Variants in DYNLT5 observed in about 807,000 individuals in gnomAD.
The protein encoded by DYNLT5 is dynein light chain Tctex-type 5.
In DYNLT5, 25 loss-of-function variants were observed where a neutral mutation model predicts 19.3. That is an observed-to-expected ratio of 1.30 (90% confidence interval 0.95 to 1.81). DYNLT5 has a LOEUF of 1.81. DYNLT5 is among the 40% of genes most tolerant of loss of function. The probability of loss-of-function intolerance (pLI) is 0.00; values close to 1 mark genes in which losing one functional copy is unlikely to be tolerated. For synonymous variants in DYNLT5, 82 were observed against 68.9 expected (o/e 1.19, Z -0.94); for missense variants, 232 against 217.9 (o/e 1.06, Z -0.41).
chr1:66,778,479 T>C lies in DYNLT5; in HGVS notation c.*1025T>C, dbSNP rs1645250126. The C allele has an allele frequency of 6.6e-6, 1 of 152,634 alleles. No individual in the cohort carries two copies. Among genetic ancestry groups the C allele is most frequent in the African/African-American group, 2.4e-5 (1 of 41,450 alleles). The allele number at this position is 152,634 out of a possible 1,614,324, so 9.5% of individuals were successfully genotyped here. ...TTTTTATGAAGCTTTCAAGTCTTTG[T>C]GTGCAAGTAAAATGATGTTGTGGCG... is the stretch of plus-strand genomic sequence containing the variant. On this transcript the variant is annotated 3_prime_UTR_variant, in exon 5 of 5. Coordinates refer to ENST00000282670, the MANE Select transcript of DYNLT5 (RefSeq NM_152665.3).
intron 2 of DYNLT5, chr1:66,768,841 C>T (rs1011459915): frequency 2.0e-5 from 3 of 152,148 alleles, no homozygotes; most frequent in African/African-American, 4.8e-5. Context: ...GGGACTTTGT[C>T]ACTAAGAGGT....
intron 4 of DYNLT5, among the ~76,000 whole-genome samples, 159 bp from the exon 5 acceptor site, chr1:66,777,092 T>C (rs527760334): frequency 1.3e-5 from 2 of 152,340 alleles, no homozygotes; most frequent in Non-Finnish European, 2.9e-5. Context: ...AAGGGGACCA[T>C]GCTTGAAGGG....
chr1:66,768,935 GAAT>G (rs915910952), intron 2 of DYNLT5, among the ~76,000 whole-genome samples: 4 of 152,160 alleles, frequency 2.6e-5, no homozygotes, highest in African/African-American at 9.7e-5. Flanking sequence ...GAAATGGGTA[GAAT>G]AATGAATCTT....
intron 3 of DYNLT5, among the ~76,000 whole-genome samples, chr1:66,772,815 A>G (rs1397087528): frequency 1.3e-5 from 2 of 152,190 alleles, no homozygotes; most frequent in Non-Finnish European, 2.9e-5. Flanking sequence ...ATAAAATACC[A>G]TTTATATATT....
chr1:66,758,997 G>A (rs1557870412), intron 2 of DYNLT5, among the ~76,000 whole-genome samples: 1 of 152,102 alleles, frequency 6.6e-6, no homozygotes, highest in Non-Finnish European at 1.5e-5. Flanking sequence ...AGACCTACCT[G>A]AGATATAGCC....
At position 66,754,663 on chromosome 1, in the gene DYNLT5, T is replaced by C. The variant is rs1407093298; in HGVS notation, c.5T>C (p.Met2Thr). Reference sequence around the variant, plus strand: ...AAAAGTCTTCTTCCATAGGTTATGATGATGTCAGACAATGCTAAAGGCAGA... The same window carrying C: ...AAAAGTCTTCTTCCATAGGTTATGACGATGTCAGACAATGCTAAAGGCAGA... M[M>T]MSDNAKGRAA... The change falls in exon 2 of 5, where the codon ATG becomes ACG. Residue 2 changes from methionine to threonine, a missense_variant. Transcript: ENST00000282670. The C allele has an allele frequency of 1.2e-6, 2 of 1,607,980 alleles. No individual in the cohort carries two copies. Among genetic ancestry groups the C allele is most frequent in the South Asian group, 2.2e-5 (2 of 89,474 alleles).
rs990365399 is a variant in DYNLT5, at chr1:66,777,675, T to G, written c.*221T>G. On this transcript the variant is annotated 3_prime_UTR_variant, in exon 5 of 5. Coordinates refer to ENST00000282670, the MANE Select transcript of DYNLT5 (RefSeq NM_152665.3). ...TCTAAAGCAGGAACTTGATCTTGGT[T>G]TTGCTGGATTGCTTTCCATAGACAT... The G allele has an allele frequency of 9.9e-6, 4 of 405,828 alleles. No homozygotes were observed. Among genetic ancestry groups the G allele is most frequent in the Non-Finnish European group, 1.3e-5 (3 of 227,326 alleles). 25.1% of individuals were successfully genotyped at this position (405,828 alleles called of 1,614,324 possible). A position where few individuals can be genotyped will look rare whatever the true frequency, so the allele number is the denominator to read the frequency against.
In DYNLT5 at chr1:66,770,484, T is replaced by C. The variant is rs969678223; in HGVS notation, c.211+6T>C. The stretch of plus-strand genomic sequence containing the variant: ...GGAAAACACCTATCAGTTGGGTGTG[T>C]TCTTTTATCTCTCACTCCTATTTTA... On this transcript the variant is annotated splice_donor_region_variant and intron_variant, in intron 3 of 4. Transcript: ENST00000282670. 6.3e-7 allele frequency: 1 copy of C among 1,599,402 alleles called. No homozygotes were observed. Among genetic ancestry groups the C allele is most frequent in the Non-Finnish European group, 8.6e-7 (1 of 1,167,084 alleles).
chr1:66,770,101 C>T (rs1325248100), intron 2 of DYNLT5, among the ~76,000 whole-genome samples: 1 of 152,158 alleles, frequency 6.6e-6, no homozygotes, highest in East Asian at 1.9e-4. Flanking sequence ...ACCCCATACA[C>T]ATACATCAAC....
chr1:66,777,007 A>T (rs1423201080), intron 4 of DYNLT5, among the ~76,000 whole-genome samples: 1 of 152,230 alleles, frequency 6.6e-6, no homozygotes, highest in African/African-American at 2.4e-5. Flanking sequence ...GTTCTGGATT[A>T]TAATTATTTC....
At chr1:66,754,611 T>G in intron 1 of DYNLT5, 45 bp from the exon 2 acceptor site, 1 of 1,558,388 alleles carries the variant, frequency 6.4e-7, no homozygotes. Context: ...ACTAAAATGT[T>G]TCCGGATCTT....
rs1490283720 is a variant in DYNLT5 at position 66,778,514 on chromosome 1, G to T, written c.*1060G>T. ...AAATGATGTTGTGGCGTTGTTCTTG[G>T]ATGGTAAGTGGACTGCCTAGAGGAC... On this transcript the variant is annotated 3_prime_UTR_variant, in exon 5 of 5. Coordinates refer to ENST00000282670, the MANE Select transcript of DYNLT5 (RefSeq NM_152665.3). The T allele has an allele frequency of 1.3e-5, 2 of 152,614 alleles. No homozygotes were observed. The highest frequency in any genetic ancestry group is 4.8e-5 in the African/African-American group (2 of 41,452). The allele number at this position is 152,614 out of a possible 1,614,324, so 9.5% of individuals were successfully genotyped here.
chr1:66,774,307 ACT>A (rs1421588388), intron 3 of DYNLT5, among the ~76,000 whole-genome samples: 5 of 151,826 alleles, frequency 3.3e-5, no homozygotes, highest in African/African-American at 7.3e-5. Flanking sequence ...CCAAAAAAAG[ACT>A]CTCATTGTCC....
Position 66,777,407 on chromosome 1 carries a change from T to C in DYNLT5, c.493T>C (p.Ser165Pro). ...DTFSSYVFRN[S>P]SLFALANVYA... ...CTTTTCATCTTATGTTTTCAGAAAT[T>C]CTTCTCTCTTCGCTCTTGCAAATGT... The change falls in exon 5 of 5, where the codon TCT (serine) becomes CCT (proline). Residue 165 changes from serine (S) to proline (P), a missense_variant. By Grantham distance (74) the Ser-to-Pro change is moderately conservative. Coordinates refer to ENST00000282670, the MANE Select transcript of DYNLT5 (RefSeq NM_152665.3). The C allele has an allele frequency of 6.2e-7, 1 of 1,613,886 alleles. No individual in the cohort carries two copies. The highest frequency in any genetic ancestry group is 8.5e-7 in the Non-Finnish European group (1 of 1,179,868).
At position 66,770,450 on chromosome 1, in the gene DYNLT5, A is replaced by G. The variant is rs1462513368; in HGVS notation, c.183A>G (p.Thr61=). The G allele has an allele frequency of 1.2e-6, 2 of 1,613,362 alleles. No individual in the cohort carries two copies. The highest frequency in any genetic ancestry group is 1.3e-5 in the African/African-American group (1 of 74,880). The part of the protein sequence containing the change: ...PSQRDDISRL[T]VQMENTYQLG... ...AGCGTGATGATATCTCTCGCCTTACAGTTCAGATGGAAAACACCTATCAGT... is the reference window on the plus strand; with the variant it reads ...AGCGTGATGATATCTCTCGCCTTACGGTTCAGATGGAAAACACCTATCAGT... The change falls in exon 3 of 5, where the codon ACA becomes ACG. Residue 61 remains threonine, a synonymous_variant. Coordinates refer to ENST00000282670, the MANE Select transcript of DYNLT5 (RefSeq NM_152665.3).
chr1:66,776,662 A>G (rs1055800243), intron 4 of DYNLT5, among the ~76,000 whole-genome samples: 1 of 152,098 alleles, frequency 6.6e-6, no homozygotes, highest in Non-Finnish European at 1.5e-5. Flanking sequence ...CCCCATTTAT[A>G]AAAGTGTTTA....
At chr1:66,758,915 G>A (rs2094641000) in intron 2 of DYNLT5, among the ~76,000 whole-genome samples, 1 of 152,142 alleles carries the variant, frequency 6.6e-6, no homozygotes, top group Admixed American at 6.5e-5. Flanking sequence ...TGAAGGAGAA[G>A]GCTAGAGATT....
chr1:66,771,985 T>G (rs1471548624), intron 3 of DYNLT5, among the ~76,000 whole-genome samples: 1 of 152,238 alleles, frequency 6.6e-6, no homozygotes, highest in Non-Finnish European at 1.5e-5. Flanking sequence ...CTATGTGAAT[T>G]TTTTAATAAT....
At chr1:66,776,849 A>C (rs1406245023) in intron 4 of DYNLT5, among the ~76,000 whole-genome samples, 10 of 152,198 alleles carry the variant, frequency 6.6e-5, no homozygotes, top group South Asian at 6.2e-4. Context: ...TTTAATAAAC[A>C]TTAATGATTA....
Sources: gnomAD v4.1 joint callset for allele counts (sites outside exome capture counted in the v4.1 genomes callset) on GRCh38, gnomAD v4.1.1 for gene constraint, MANE v1.5 for transcripts, NCBI Gene and HGNC (gene_info 2026-07-23, HGNC 2026-07-21) for gene names.